CSRP3: variants seen among roughly 807,000 people sequenced by gnomAD.
The protein encoded by CSRP3 is cysteine and glycine-rich protein 3.
A neutral mutation model predicts 24.3 loss-of-function variants in CSRP3; 24 were observed. The ratio of observed to expected loss-of-function variants is 0.99; its 90% CI spans 0.71 to 1.39. The LOEUF (loss-of-function observed/expected upper bound fraction) is 1.39. CSRP3 is among the 40% of genes most tolerant of loss of function. CSRP3 has a pLI of 0.00. For synonymous variants in CSRP3, 105 were observed against 94.0 expected, an observed-to-expected ratio of 1.12 and a Z score of -0.68; for missense variants, 240 against 249.0, an observed-to-expected ratio of 0.96 and a Z score of 0.24.
chr11:19,201,042 G>T (rs1850830951), intron 1 of CSRP3, among the ~76,000 whole-genome samples: 1 of 152,186 alleles, frequency 6.6e-6, no homozygotes, highest in Non-Finnish European at 1.5e-5. Flanking sequence ...GCAGAAATTA[G>T]AGTCGGCAGC....
chr11:19,195,686 T>C (rs1850690440), intron 1 of CSRP3, among the ~76,000 whole-genome samples: 1 of 80,458 alleles, frequency 1.2e-5, no homozygotes, highest in African/African-American at 4.2e-5. Context: ...AAAATACATA[T>C]ATATCTGTGT....
intron 5 of CSRP3, among the ~76,000 whole-genome samples, chr11:19,184,645 C>A (rs1850494851): frequency 6.6e-6 from 1 of 152,184 alleles, no homozygotes; most frequent in Admixed American, 6.5e-5. Flanking sequence ...TCTTCCAAGA[C>A]CAGAGGCAGG....
In CSRP3 at chr11:19,188,401, A is replaced by C. The variant is rs921656097; in HGVS notation, c.113-97T>G. 6.7e-6 allele frequency: 9 copies of C among 1,345,126 alleles called. 1 individual carries two copies. Among genetic ancestry groups the C allele is most frequent in the African/African-American group, 1.4e-5 (1 of 69,802 alleles). The allele number at this position is 1,345,126 out of a possible 1,614,324, so 83.3% of individuals were successfully genotyped here. A position where few individuals can be genotyped will look rare whatever the true frequency, so the allele number is the denominator to read the frequency against. On this transcript the variant is annotated intron_variant, in intron 2 of 5. Transcript: ENST00000265968. ...TGCTCGGGGCCAGAGACCCAGCATG[A>C]GGGGCCCCTGAGCCAAGAATACAAT... is the stretch of plus-strand genomic sequence containing the variant.
Position 19,188,323 on chromosome 11 carries a change from G to A in CSRP3, c.113-19C>T. ...CAGGCCACTGCCAGGAAAAGGAAGG[G>A]TCATGGGATTGGAATTGAAATCCTT... On this transcript the variant is annotated intron_variant, in intron 2 of 5. Coordinates refer to ENST00000265968, the MANE Select transcript of CSRP3 (RefSeq NM_003476.5). The A allele has an allele frequency of 6.2e-7, 1 of 1,611,484 alleles. No individual in the cohort carries two copies. The highest frequency in any genetic ancestry group is 8.5e-7 in the Non-Finnish European group (1 of 1,179,842).
intron 5 of CSRP3, among the ~76,000 whole-genome samples, chr11:19,183,639 G>T (rs1374745290): frequency 1.3e-5 from 2 of 151,608 alleles, no homozygotes. Flanking sequence ...TTTCCCTACT[G>T]ACTTCGGCAA....
At chr11:19,188,418 G>A (rs1850564853) in intron 2 of CSRP3, 114 bp from the exon 3 acceptor site, 1 of 1,033,382 alleles carries the variant, frequency 9.7e-7, no homozygotes. Context: ...CCTGAGCCAA[G>A]AATACAATGT....
At chr11:19,198,468 A>G (rs1299807416) in intron 1 of CSRP3, among the ~76,000 whole-genome samples, 1 of 152,254 alleles carries the variant, frequency 6.6e-6, no homozygotes, top group South Asian at 2.1e-4. Flanking sequence ...GCTGTTCAAC[A>G]TGGAAAGGGC....
At position 19,186,293 on chromosome 11, in the gene CSRP3, T is replaced by A. The variant is rs863224716; in HGVS notation, c.337A>T (p.Lys113Ter). ...GGGCACTTCTCGGACTCTCCAAACT[T>A]CGCAGTGAATTTGGAAGGGTTGCTG... Reference protein sequence around the residue: ...TTSNPSKFTAKFGESEKCPRC... With the variant: ...TTSNPSKFTA The change falls in exon 4 of 6, where the codon AAG becomes TAG. Residue 113 changes from lysine to a stop codon, truncating the protein, a stop_gained. Transcript: ENST00000265968. LOFTEE classifies it high-confidence loss of function. 4 of 1,614,088 alleles carry A rather than the reference T, an allele frequency of 2.5e-6. No homozygotes were observed. Among genetic ancestry groups the A allele is most frequent in the Non-Finnish European group, 3.4e-6 (4 of 1,180,032 alleles).
In CSRP3 at chr11:19,182,594, G is replaced by A; in HGVS notation, c.*76C>T. 8.5e-7 allele frequency: 1 copy of A among 1,179,066 alleles called. No homozygotes were observed. The highest frequency in any genetic ancestry group is 1.3e-6 in the Non-Finnish European group (1 of 782,800). The allele number at this position is 1,179,066 out of a possible 1,614,324, so 73.0% of individuals were successfully genotyped here. ...GACTACAAAGGAGAGGCTATTTGGG[G>A]AAAGGTATCGATCTGTGCAGGATTA... On this transcript the variant is annotated 3_prime_UTR_variant, in exon 6 of 6. Transcript: ENST00000265968.
In CSRP3 at chr11:19,182,601, A is replaced by G. The variant is rs1850453582; in HGVS notation, c.*69T>C. 3 of 1,242,628 alleles carry G rather than the reference A, an allele frequency of 2.4e-6. No homozygotes were observed. Among genetic ancestry groups the G allele is most frequent in the Admixed American group, 1.7e-5 (1 of 59,532 alleles). The allele number at this position is 1,242,628 out of a possible 1,614,324, so 77.0% of individuals were successfully genotyped here. On this transcript the variant is annotated 3_prime_UTR_variant, in exon 6 of 6. Transcript: ENST00000265968. ...AAGGAGAGGCTATTTGGGGAAAGGT[A>G]TCGATCTGTGCAGGATTACTTGGCA...
In CSRP3 at chr11:19,194,922, A is replaced by T. The variant is rs983413401; in HGVS notation, c.-28-2446T>A. On this transcript the variant is annotated intron_variant, in intron 1 of 5. Coordinates refer to ENST00000265968, the MANE Select transcript of CSRP3 (RefSeq NM_003476.5). ...AGGGGGAAAACTTATAAAAATGAGT[A>T]GTTTGTGACCCCTGGCATTGAGAAG... Among the ~76,000 whole-genome samples the T allele has an allele frequency of 7.2e-5, 11 of 152,128 alleles. No homozygotes were observed. The South Asian group carries it at 1.7e-3, about 23-fold the overall frequency.
intron 2 of CSRP3, 152 bp downstream of exon 2, chr11:19,192,185 T>A: frequency 2.9e-6 from 2 of 697,368 alleles, no homozygotes; most frequent in Non-Finnish European, 2.6e-6. Flanking sequence ...AGCCCAAGAG[T>A]TAAATTTCTA....
At chr11:19,194,098 A>G (rs926035753) in intron 1 of CSRP3, among the ~76,000 whole-genome samples, 3 of 152,154 alleles carry the variant, frequency 2.0e-5, no homozygotes, top group Non-Finnish European at 4.4e-5. Context: ...TCACCTTCTT[A>G]TAATAGTTGG....
chr11:19,188,922 AG>A (rs1850575384), intron 2 of CSRP3, among the ~76,000 whole-genome samples: 1 of 152,112 alleles, frequency 6.6e-6, no homozygotes, highest in Non-Finnish European at 1.5e-5. Flanking sequence ...CCTAATGTAA[AG>A]TATCCTCCAG....
intron 5 of CSRP3, among the ~76,000 whole-genome samples, chr11:19,182,988 C>A (rs1850462973): frequency 6.6e-6 from 1 of 152,078 alleles, no homozygotes; most frequent in African/African-American, 2.4e-5. Flanking sequence ...GAAACCCTGT[C>A]TCTACTAAAA....
chr11:19,187,420 G>A (rs954757277), intron 3 of CSRP3, among the ~76,000 whole-genome samples: 1 of 152,200 alleles, frequency 6.6e-6, no homozygotes, highest in Non-Finnish European at 1.5e-5. Context: ...GCAGTGCAGA[G>A]CTCAGCCTGG....
intron 1 of CSRP3, among the ~76,000 whole-genome samples, chr11:19,194,523 C>CA (rs1554968329): frequency 6.6e-6 from 1 of 151,974 alleles, no homozygotes; most frequent in Non-Finnish European, 1.5e-5. Context: ...CCCCACCCCC[C>CA]AAAAAATTAC....
intron 1 of CSRP3, among the ~76,000 whole-genome samples, chr11:19,195,330 C>A (rs1005079667): frequency 6.6e-6 from 1 of 151,970 alleles, no homozygotes; most frequent in Admixed American, 6.6e-5. Context: ...TCATTTATAA[C>A]CAAGGTGTAT....
At chr11:19,194,331 C>T (rs1322599529) in intron 1 of CSRP3, among the ~76,000 whole-genome samples, 1 of 152,174 alleles carries the variant, frequency 6.6e-6, no homozygotes, top group Non-Finnish European at 1.5e-5. Flanking sequence ...CTTCCTCTCA[C>T]AGAAGTAGGA....
Sources: gnomAD v4.1 joint callset for allele counts (sites outside exome capture counted in the v4.1 genomes callset) on GRCh38, gnomAD v4.1.1 for gene constraint, MANE v1.5 for transcripts, NCBI Gene and HGNC (gene_info 2026-07-23, HGNC 2026-07-21) for gene names.